The following SGIP1 variants were observed in gnomAD, a reference collection of about 807,000 sequenced individuals.
SGIP1 encodes SH3GL interacting endocytic adaptor 1.
SGIP1 carries 38 observed loss-of-function variants against 107.5 expected under a neutral mutation model. The observed-to-expected ratio is 0.35, with a 90% CI of 0.27 to 0.46. The LOEUF is 0.46. Among genes scored for constraint, SGIP1 ranks in the 20% least tolerant of loss-of-function variants. SGIP1 has a pLI of 1.00. For synonymous variants in SGIP1, 365 were observed against 366.1 expected (o/e 1.00, Z 0.03); for missense variants, 929 against 1,019.5 (o/e 0.91, Z 1.21).
At chr1:66,625,049 G>A in intron 1 of SGIP1, among the ~76,000 whole-genome samples, 1 of 152,146 alleles carries the variant, frequency 6.6e-6, no homozygotes, top group East Asian at 1.9e-4. Context: ...TTCAAGAAAG[G>A]ATCACAGCCT....
chr1:66,644,587 T>G (rs2077348316), intron 7 of SGIP1, among the ~76,000 whole-genome samples: 1 of 152,244 alleles, frequency 6.6e-6, no homozygotes, highest in African/African-American at 2.4e-5. Context: ...GCATTCCCCC[T>G]GAACAGAGCA....
chr1:66,683,977 A>G, intron 15 of SGIP1: 1 of 1,387,734 alleles, frequency 7.2e-7, no homozygotes, highest in Non-Finnish European at 9.6e-7. Flanking sequence ...TCAGCCTCCC[A>G]AAGTGCTGGG....
chr1:66,568,999 T>G (rs908195935), intron 1 of SGIP1, among the ~76,000 whole-genome samples: 3 of 151,904 alleles, frequency 2.0e-5, no homozygotes, highest in African/African-American at 4.8e-5. Context: ...TAAAAAGACC[T>G]CAGCAATATG....
Position 66,646,446 on chromosome 1 carries a change from C to G in SGIP1, c.459+2727C>G, listed in dbSNP as rs142483479. Reference sequence around the variant, plus strand: ...ATTTCAAATAATAAATTATTCATAACAATGGTTTACGTTGGACTTCTGATT... The same window carrying G: ...ATTTCAAATAATAAATTATTCATAAGAATGGTTTACGTTGGACTTCTGATT... On this transcript the variant is annotated intron_variant, in intron 7 of 24. Coordinates refer to ENST00000371037, the MANE Select transcript of SGIP1 (RefSeq NM_032291.4). 4.4e-3 allele frequency among the ~76,000 whole-genome samples: 663 copies of G among 152,228 alleles called. 4 individuals are homozygous for G. Among genetic ancestry groups the G allele is most frequent in the Non-Finnish European group, 6.8e-3 (462 of 68,012 alleles).
intron 19 of SGIP1, among the ~76,000 whole-genome samples, chr1:66,726,094 C>T (rs2093742402): frequency 6.6e-6 from 1 of 152,206 alleles, no homozygotes; most frequent in African/African-American, 2.4e-5. Context: ...GGGGACACTA[C>T]ATGCACTGCA....
chr1:66,536,874 T>C (rs2053740271), intron 1 of SGIP1, among the ~76,000 whole-genome samples: 3 of 152,350 alleles, frequency 2.0e-5, no homozygotes, highest in Admixed American at 6.5e-5. Flanking sequence ...AGTGTTTTAG[T>C]CTGCTGCTCA....
At chr1:66,689,089 G>A (rs1479294900) in intron 15 of SGIP1, 59 bp from the exon 16 acceptor site, 8 of 1,548,156 alleles carry the variant, frequency 5.2e-6, no homozygotes, top group Non-Finnish European at 7.0e-6. Flanking sequence ...ATTATACTGT[G>A]ATAACAGCGC....
chr1:66,717,918 G>T (rs1302045510), intron 18 of SGIP1, among the ~76,000 whole-genome samples: 1 of 152,158 alleles, frequency 6.6e-6, no homozygotes, highest in Non-Finnish European at 1.5e-5. Context: ...GCTGCTGATG[G>T]TAACTCATTG....
intron 7 of SGIP1, among the ~76,000 whole-genome samples, chr1:66,657,332 C>T (rs1557483381): frequency 6.6e-6 from 1 of 152,118 alleles, no homozygotes; most frequent in Non-Finnish European, 1.5e-5. Context: ...TGCCAAAATT[C>T]CCATGGCAGC....
At chr1:66,712,160 C>A (rs1398161964) in intron 18 of SGIP1, among the ~76,000 whole-genome samples, 2 of 152,108 alleles carry the variant, frequency 1.3e-5, no homozygotes, top group Non-Finnish European at 2.9e-5. Context: ...GGAGATAACA[C>A]ATGTGAATCA....
chr1:66,727,617 T>C (rs1398756123), intron 19 of SGIP1, among the ~76,000 whole-genome samples: 1 of 152,170 alleles, frequency 6.6e-6, no homozygotes, highest in Non-Finnish European at 1.5e-5. Flanking sequence ...AGGCAAAAAC[T>C]GGAAAGAAGC....
chr1:66,578,713 C>T (rs569850457), intron 1 of SGIP1, among the ~76,000 whole-genome samples: 3 of 152,124 alleles, frequency 2.0e-5, no homozygotes, highest in Non-Finnish European at 4.4e-5. Context: ...CTCTTGTTGC[C>T]TAGACTGGAG....
At chr1:66,690,508 AAATAAAAGAAC>A in intron 17 of SGIP1, 192 bp downstream of exon 17, 1 of 667,938 alleles carries the variant, frequency 1.5e-6, no homozygotes, top group East Asian at 2.8e-5. Context: ...GCAAATGAAC[AAATAAAAGAAC>A]ATTAACACCT....
At chr1:66,565,364 T>C (rs1338190) in intron 1 of SGIP1, among the ~76,000 whole-genome samples, 57,612 of 151,854 alleles carry the variant, frequency 0.38, 12,047 homozygotes, top group South Asian at 0.64. Flanking sequence ...CATCTTACCA[T>C]GTTACTCTTG....
rs869266510 is a variant in SGIP1, at chr1:66,683,700, C to CTTTTTTTTTTTTTTTTTTTTTTTTTTTTT, written c.1315+1359_1315+1360insTTTTTTTTTTTTTTTTTTTTTTTTTTTTT. On this transcript the variant is annotated intron_variant, in intron 15 of 24. Transcript: ENST00000371037. Reference sequence around the variant, plus strand: ...ACCACACTGTTTGTTTGTTTCTTTTCTTTTTTTTTTTTTTTTTTTTTTTTT... The same window carrying CTTTTTTTTTTTTTTTTTTTTTTTTTTTTT: ...ACCACACTGTTTGTTTGTTTCTTTTCTTTTTTTTTTTTTTTTTTTTTTTTTTTTTTTTTTTTTTTTTTTTTTTTTTTTTT... Among the ~76,000 whole-genome samples the CTTTTTTTTTTTTTTTTTTTTTTTTTTTTT allele has an allele frequency of 1.2e-3, 73 of 61,386 alleles. 14 individuals are homozygous for CTTTTTTTTTTTTTTTTTTTTTTTTTTTTT. Among genetic ancestry groups the CTTTTTTTTTTTTTTTTTTTTTTTTTTTTT allele is most frequent in the East Asian group, 0.011 (10 of 908 alleles). 40.3% of individuals were successfully genotyped at this position (61,386 alleles called of 152,430 possible).
At position 66,749,315 on chromosome 1, in the gene SGIP1, T is replaced by G. The variant is rs912773400; in HGVS notation, c.*6220T>G. On this transcript the variant is annotated 3_prime_UTR_variant, in exon 25 of 25. Transcript: ENST00000371037. The stretch of plus-strand genomic sequence containing the variant: ...GAAACTGAATCATGATAGATCAATG[T>G]TGACAGTATTTTTACATCAGCTTGT... Among the ~76,000 whole-genome samples the G allele has an allele frequency of 1.3e-5, 2 of 151,992 alleles. No individual in the cohort carries two copies. Among genetic ancestry groups the G allele is most frequent in the African/African-American group, 4.8e-5 (2 of 41,438 alleles).
intron 1 of SGIP1, among the ~76,000 whole-genome samples, chr1:66,589,851 G>A (rs569615640): frequency 1.3e-5 from 2 of 152,244 alleles, no homozygotes; most frequent in East Asian, 3.9e-4. Context: ...CTTTTGGCCT[G>A]GCTTAAGTCT....
intron 1 of SGIP1, among the ~76,000 whole-genome samples, chr1:66,576,613 C>T (rs985994851): frequency 6.6e-6 from 1 of 152,082 alleles, no homozygotes. Flanking sequence ...TCAAGATCTC[C>T]CAAATCAACC....
intron 1 of SGIP1, among the ~76,000 whole-genome samples, chr1:66,616,850 T>C (rs779803696): frequency 5.3e-5 from 8 of 152,186 alleles, no homozygotes; most frequent in Non-Finnish European, 7.4e-5. Flanking sequence ...AGTTCATAAT[T>C]ACCCTCTAGA....
Sources: gnomAD v4.1 joint callset for allele counts (sites outside exome capture counted in the v4.1 genomes callset) on GRCh38, gnomAD v4.1.1 for gene constraint, MANE v1.5 for transcripts, NCBI Gene and HGNC (gene_info 2026-07-23, HGNC 2026-07-21) for gene names.